The following GLT8D2 variants were observed in gnomAD, a reference collection of about 807,000 sequenced individuals.
GLT8D2 encodes glycosyltransferase 8 domain-containing protein 2.
GLT8D2 carries 45 observed loss-of-function variants against 44.5 expected under a neutral mutation model. The ratio of observed to expected loss-of-function variants is 1.01; its 90% confidence interval spans 0.80 to 1.30. The LOEUF (loss-of-function observed/expected upper bound fraction) is 1.30. Among genes scored for constraint, GLT8D2 ranks in the 50% most tolerant of loss-of-function variants. The pLI, the probability that GLT8D2 is intolerant of heterozygous loss-of-function variation, is 0.00. For missense variants in GLT8D2, 400 were observed against 430.4 expected (o/e 0.93, Z 0.62); for synonymous variants, 156 against 157.2 (o/e 0.99, Z 0.06).
At chr12:104,008,026 T>A (rs1875317811) in intron 4 of GLT8D2, among the ~76,000 whole-genome samples, 1 of 152,214 alleles carries the variant, frequency 6.6e-6, no homozygotes. Context: ...TTCTTCCCAG[T>A]CTCAGGTATG....
chr12:104,051,029 G>T (rs982300769), upstream of GLT8D2, among the ~76,000 whole-genome samples: 1 of 151,906 alleles, frequency 6.6e-6, no homozygotes, highest in African/African-American at 2.4e-5. Context: ...TGGCCAGGCT[G>T]GTCTCAAACA....
intron 1 of GLT8D2, among the ~76,000 whole-genome samples, chr12:104,059,500 C>T (rs551755036): frequency 6.6e-6 from 1 of 152,140 alleles, no homozygotes; most frequent in Non-Finnish European, 1.5e-5. Context: ...TCCTCTAGAA[C>T]ACATTCTGGA....
intron 4 of GLT8D2, among the ~76,000 whole-genome samples, chr12:104,006,116 A>C (rs1874971917): frequency 1.3e-5 from 2 of 152,030 alleles, no homozygotes. Flanking sequence ...CATCATTCTC[A>C]GCAAACTATC....
At chr12:104,016,844 AAG>A (rs1408025886) in intron 3 of GLT8D2, among the ~76,000 whole-genome samples, 3 of 149,302 alleles carry the variant, frequency 2.0e-5, no homozygotes, top group African/African-American at 2.5e-5. Context: ...GAAAGAAAGA[AAG>A]AAAGAAAGAA....
chr12:104,009,758 T>C (rs1323251807), intron 4 of GLT8D2, among the ~76,000 whole-genome samples: 1 of 152,160 alleles, frequency 6.6e-6, no homozygotes, highest in Admixed American at 6.5e-5. Flanking sequence ...ATGGGGATGG[T>C]TTCTCCCATA....
Position 103,989,318 on chromosome 12 carries a change from G to T in GLT8D2, c.*90C>A. ...TATATTGTGGATCATATGTATCAAA[G>T]GTAATATTCATAAAGAACAATGTTA... is the stretch of plus-strand genomic sequence containing the variant. On this transcript the variant is annotated 3_prime_UTR_variant, in exon 11 of 11. Coordinates refer to ENST00000360814, the MANE Select transcript of GLT8D2 (RefSeq NM_001384711.1). 1 of 1,121,312 alleles carries T rather than the reference G, an allele frequency of 8.9e-7. No individual in the cohort carries two copies. Among genetic ancestry groups the T allele is most frequent in the Non-Finnish European group, 1.3e-6 (1 of 793,748 alleles). 69.5% of individuals were successfully genotyped at this position (1,121,312 alleles called of 1,614,324 possible). A position where few individuals can be genotyped will look rare whatever the true frequency, so the allele number is the denominator to read the frequency against.
At position 103,989,358 on chromosome 12, in the gene GLT8D2, G is replaced by T; in HGVS notation, c.*50C>A. 1 of 1,434,352 alleles carries T rather than the reference G, an allele frequency of 7.0e-7. No homozygotes were observed. The highest frequency in any genetic ancestry group is 9.5e-7 in the Non-Finnish European group (1 of 1,051,246). 88.9% of individuals were successfully genotyped at this position (1,434,352 alleles called of 1,614,324 possible). ...GAACAATGTTATAGTTGGCTACAAA[G>T]GGACAATTCCACATTTCTATACAGG... On this transcript the variant is annotated 3_prime_UTR_variant, in exon 11 of 11. Transcript: ENST00000360814.
Position 104,023,500 on chromosome 12 carries a change from A to G in GLT8D2, c.-163-2009T>C, listed in dbSNP as rs1329275535. On this transcript the variant is annotated intron_variant, in intron 1 of 10. Transcript: ENST00000360814. The stretch of plus-strand genomic sequence containing the variant: ...ACACATTTACTAAAGGAATATTACC[A>G]TGTCAGCTTCAAAATTTGACAAGCT... Among the ~76,000 whole-genome samples, 3 of 152,332 alleles carry G rather than the reference A, an allele frequency of 2.0e-5. No homozygotes were observed. The East Asian group carries it at 5.8e-4, about 29-fold the overall frequency.
intron 1 of GLT8D2, among the ~76,000 whole-genome samples, chr12:104,040,641 G>A (rs943548454): frequency 2.0e-5 from 3 of 151,910 alleles, no homozygotes; most frequent in Non-Finnish European, 2.9e-5. Flanking sequence ...GGCCAGGCTG[G>A]TCTTGAACTC....
intron 1 of GLT8D2, among the ~76,000 whole-genome samples, chr12:104,055,636 T>C (rs1322698021): frequency 6.6e-6 from 1 of 152,266 alleles, no homozygotes; most frequent in East Asian, 1.9e-4. Context: ...TTAGTCTCTA[T>C]TATTCCATGT....
chr12:104,021,625 C>T (rs1407840689), intron 1 of GLT8D2, 134 bp from the exon 2 acceptor site: 1 of 151,364 alleles, frequency 6.6e-6, no homozygotes, highest in Non-Finnish European at 1.5e-5. Flanking sequence ...ACAATCTCTA[C>T]AAAAAAATAC....
At chr12:103,995,463 T>G (rs993590256) in intron 8 of GLT8D2, among the ~76,000 whole-genome samples, 1 of 152,198 alleles carries the variant, frequency 6.6e-6, no homozygotes, top group African/African-American at 2.4e-5. Flanking sequence ...TCTGCACAGG[T>G]GGTTCCCTCA....
At chr12:104,036,612 C>A (rs1482984249) in intron 1 of GLT8D2, among the ~76,000 whole-genome samples, 1 of 152,190 alleles carries the variant, frequency 6.6e-6, no homozygotes, top group Non-Finnish European at 1.5e-5. Context: ...GAAGAGCTAA[C>A]TTTCCTAAGT....
chr12:104,017,389 C>T (rs2136359565), intron 3 of GLT8D2, among the ~76,000 whole-genome samples: 1 of 152,292 alleles, frequency 6.6e-6, no homozygotes, highest in East Asian at 1.9e-4. Flanking sequence ...ATGGCACAGC[C>T]TTGGCTCACT....
At chr12:104,031,549 G>C in intron 1 of GLT8D2, 2 of 1,611,188 alleles carry the variant, frequency 1.2e-6, no homozygotes, top group Non-Finnish European at 1.7e-6. Flanking sequence ...AGTGAAGGCC[G>C]GCGGGGAAGA....
chr12:104,022,022 A>AG (rs1566202768), intron 1 of GLT8D2, among the ~76,000 whole-genome samples: 464 of 25,272 alleles, frequency 0.018, 132 homozygotes, highest in Admixed American at 0.02. Context: ...AAGAAGAAGA[A>AG]AAAGAAGAAG....
chr12:104,028,591 C>T (rs1878854210), intron 1 of GLT8D2, among the ~76,000 whole-genome samples: 1 of 152,148 alleles, frequency 6.6e-6, no homozygotes, highest in East Asian at 1.9e-4. Context: ...AGAACCCCTT[C>T]CCTTGGAAAC....
Position 104,062,110 on chromosome 12 carries a change from G to C in GLT8D2, c.-423+1839C>G, listed in dbSNP as rs553735168. Reference sequence around the variant, plus strand: ...GTTTTTTAGACTGAGTTTTGTTCTTGTTGCCCAGGCTGGAGTGCAATGGCA... The same window carrying C: ...GTTTTTTAGACTGAGTTTTGTTCTTCTTGCCCAGGCTGGAGTGCAATGGCA... On this transcript the variant is annotated intron_variant, in intron 1 of 10. Transcript: ENST00000548660. 2.5e-3 allele frequency among the ~76,000 whole-genome samples: 378 copies of C among 151,724 alleles called. 1 individual carries two copies. Among genetic ancestry groups the C allele is most frequent in the Non-Finnish European group, 3.6e-3 (246 of 67,916 alleles).
At chr12:104,034,749 G>A (rs1879739955) in intron 1 of GLT8D2, among the ~76,000 whole-genome samples, 1 of 152,168 alleles carries the variant, frequency 6.6e-6, no homozygotes, top group African/African-American at 2.4e-5. Context: ...AACTTCTGCA[G>A]ACTTAAACAT....
Sources: allele counts gnomAD v4.1 joint callset (sites outside exome capture counted in the v4.1 genomes callset), GRCh38; gene constraint gnomAD v4.1.1; transcripts MANE v1.5; gene names NCBI Gene and HGNC (gene_info 2026-07-23, HGNC 2026-07-21).